Variants in NRXN3 observed in about 807,000 individuals in gnomAD.
The protein encoded by NRXN3 is neurexin 3, also known as neurexin III.
Under a neutral mutation model 137.6 loss-of-function variants are expected in NRXN3, and 32 were observed. The observed-to-expected ratio is 0.23, with a 90% confidence interval of 0.18 to 0.31. The LOEUF is 0.31. NRXN3 is among the 10% of genes least tolerant of loss of function. The probability of loss-of-function intolerance (pLI) is 1.00; values close to 1 mark genes in which losing one functional copy is unlikely to be tolerated. For missense variants in NRXN3, 1,574 were observed against 2,062.5 expected, an observed-to-expected ratio of 0.76 and a Z score of 4.59; for synonymous variants, 798 against 784.5, an observed-to-expected ratio of 1.02 and a Z score of -0.29.
At chr14:78,512,248 C>G (rs117398585) in intron 4 of NRXN3, among the ~76,000 whole-genome samples, 2,286 of 152,178 alleles carry the variant, frequency 0.015, 26 homozygotes, top group Non-Finnish European at 0.023. Context: ...GCAAGCCAGC[C>G]TAGATCAGAA....
At chr14:79,612,133 A>T (rs2098111229) in intron 16 of NRXN3, among the ~76,000 whole-genome samples, 1 of 152,148 alleles carries the variant, frequency 6.6e-6, no homozygotes, top group Admixed American at 6.5e-5. Flanking sequence ...ATGCCTAGTA[A>T]ATTATAGTCT....
intron 4 of NRXN3, among the ~76,000 whole-genome samples, chr14:78,564,875 T>C (rs1368831308): frequency 6.6e-6 from 1 of 152,172 alleles, no homozygotes; most frequent in African/African-American, 2.4e-5. Flanking sequence ...ATATTTTTGA[T>C]TCCTGCTCAG....
At chr14:78,188,802 C>A (rs148252902) in intron 1 of NRXN3, among the ~76,000 whole-genome samples, 1 of 152,134 alleles carries the variant, frequency 6.6e-6, no homozygotes, top group African/African-American at 2.4e-5. Flanking sequence ...CATACCTACC[C>A]TACGGATTCC....
intron 19 of NRXN3, among the ~76,000 whole-genome samples, chr14:79,744,893 A>G (rs2098974598): frequency 6.6e-6 from 1 of 152,136 alleles, no homozygotes; most frequent in African/African-American, 2.4e-5. Flanking sequence ...CAGTCCGGAC[A>G]TCCTCAAGTA....
intron 15 of NRXN3, among the ~76,000 whole-genome samples, chr14:79,028,027 T>C (rs1361220297): frequency 1.3e-5 from 2 of 152,192 alleles, no homozygotes; most frequent in African/African-American, 2.4e-5. Context: ...ATATTGTTTA[T>C]CCTATTCCAT....
At chr14:79,596,863 A>G (rs1314328172) in intron 16 of NRXN3, among the ~76,000 whole-genome samples, 2 of 152,088 alleles carry the variant, frequency 1.3e-5, no homozygotes, top group Non-Finnish European at 2.9e-5. Context: ...ATCAAGGGGA[A>G]CTTTAGAATG....
intron 6 of NRXN3, among the ~76,000 whole-genome samples, chr14:78,661,890 GTT>G (rs374887314): frequency 1.4e-5 from 2 of 142,376 alleles, no homozygotes; most frequent in African/African-American, 2.6e-5. Context: ...TTCTGAGACA[GTT>G]TTTTTTTTTT....
At chr14:78,624,872 C>T (rs1027268645) in intron 4 of NRXN3, among the ~76,000 whole-genome samples, 6 of 152,008 alleles carry the variant, frequency 3.9e-5, no homozygotes, top group Admixed American at 3.3e-4. Flanking sequence ...GAAGGAGTCT[C>T]GCTGTGTCAC....
rs144280963 is a variant in NRXN3 at position 78,755,966 on chromosome 14, A to G, written c.2044+40827A>G. Among the ~76,000 whole-genome samples the G allele has an allele frequency of 4.3e-4, 66 of 152,342 alleles. No homozygotes were observed. The East Asian group carries it at 0.011, about 24-fold the overall frequency. Reference sequence around the variant, plus strand: ...AATCAAATTAGTACCAAATACTTCCAGTTGAAAAACATAGATTATGTATTT... The same window carrying G: ...AATCAAATTAGTACCAAATACTTCCGGTTGAAAAACATAGATTATGTATTT... On this transcript the variant is annotated intron_variant, in intron 8 of 20. Transcript: ENST00000335750.
intron 15 of NRXN3, among the ~76,000 whole-genome samples, chr14:79,137,882 G>A (rs1482439812): frequency 6.6e-6 from 1 of 152,098 alleles, no homozygotes; most frequent in East Asian, 1.9e-4. Flanking sequence ...GTCAGAAAGG[G>A]ACCATAAAAG....
At chr14:79,664,571 G>A (rs915544332) in intron 17 of NRXN3, among the ~76,000 whole-genome samples, 4 of 152,062 alleles carry the variant, frequency 2.6e-5, no homozygotes, top group Non-Finnish European at 5.9e-5. Flanking sequence ...CAGGAAAAGG[G>A]GTTAATCATC....
intron 19 of NRXN3, among the ~76,000 whole-genome samples, chr14:79,713,584 CAT>C (rs566107570): frequency 3.9e-4 from 45 of 115,722 alleles, no homozygotes; most frequent in African/African-American, 1.2e-3. Context: ...TTTATATATA[CAT>C]ATATATATAC....
chr14:78,399,687 A>G (rs1555507892), intron 4 of NRXN3, among the ~76,000 whole-genome samples: 1 of 152,200 alleles, frequency 6.6e-6, no homozygotes, highest in Non-Finnish European at 1.5e-5. Context: ...CTTAATAACT[A>G]GTGATGCATT....
At chr14:78,805,144 A>G in intron 9 of NRXN3, among the ~76,000 whole-genome samples, 1 of 152,080 alleles carries the variant, frequency 6.6e-6, no homozygotes, top group Non-Finnish European at 1.5e-5. Context: ...TGTTTTGAGC[A>G]GTGACTTCTT....
At chr14:78,478,648 T>C (rs1156830003) in intron 4 of NRXN3, among the ~76,000 whole-genome samples, 1 of 152,128 alleles carries the variant, frequency 6.6e-6, no homozygotes. Context: ...TTGTACAAAA[T>C]AACCTTGACA....
chr14:79,021,420 A>G (rs1353101556), intron 15 of NRXN3, among the ~76,000 whole-genome samples: 1 of 152,210 alleles, frequency 6.6e-6, no homozygotes, highest in East Asian at 1.9e-4. Context: ...GAGAAAGTGC[A>G]TTTTAATAAG....
At chr14:79,628,441 G>T (rs1441385680) in intron 16 of NRXN3, among the ~76,000 whole-genome samples, 3 of 152,170 alleles carry the variant, frequency 2.0e-5, no homozygotes, top group African/African-American at 7.2e-5. Flanking sequence ...GGTGACATCT[G>T]TATTCAACCA....
intron 15 of NRXN3, among the ~76,000 whole-genome samples, chr14:79,157,490 T>C (rs914653411): frequency 3.3e-5 from 5 of 151,808 alleles, no homozygotes; most frequent in African/African-American, 1.2e-4. Flanking sequence ...CATAAGCTGG[T>C]TTTGTGTCTC....
At chr14:78,662,983 C>T (rs1424024528) in intron 6 of NRXN3, among the ~76,000 whole-genome samples, 2 of 152,226 alleles carry the variant, frequency 1.3e-5, no homozygotes, top group Non-Finnish European at 2.9e-5. Flanking sequence ...AAATGTGTGT[C>T]TACATGGTGC....
Sources: allele counts gnomAD v4.1 joint callset (sites outside exome capture counted in the v4.1 genomes callset), GRCh38; gene constraint gnomAD v4.1.1; transcripts MANE v1.5; gene names NCBI Gene and HGNC (gene_info 2026-07-23, HGNC 2026-07-21).